SHANK2: variants seen among roughly 807,000 people sequenced by gnomAD.
SHANK2 encodes the protein SH3 and multiple ankyrin repeat domains 2, also known as SH3 and multiple ankyrin repeat domains protein 2.
SHANK2 carries 43 observed loss-of-function variants against 133.7 expected under a neutral mutation model. The ratio of observed to expected loss-of-function variants is 0.32; its 90% CI spans 0.25 to 0.41. The LOEUF is 0.41. SHANK2 is among the 10% of genes least tolerant of loss of function. SHANK2 has a pLI of 1.00. For missense variants in SHANK2, 1,994 were observed against 2,235.8 expected, an observed-to-expected ratio of 0.89 and a Z score of 2.18; for synonymous variants, 1,017 against 952.8, an observed-to-expected ratio of 1.07 and a Z score of -1.24.
chr11:70,755,361 T>C (rs1352549201), intron 14 of SHANK2, among the ~76,000 whole-genome samples: 2 of 152,240 alleles, frequency 1.3e-5, no homozygotes. Flanking sequence ...TGTGAGCCAC[T>C]GCGCCCAGCG....
rs1231027919 is a variant in SHANK2, at chr11:70,490,313, G to A, written c.2514C>T (p.Gly838=). 1 of 1,614,090 alleles carries A rather than the reference G, an allele frequency of 6.2e-7. No homozygotes were observed. Among genetic ancestry groups the A allele is most frequent in the Non-Finnish European group, 8.5e-7 (1 of 1,180,036 alleles). ...GCCTTCGCATCGTACCTCGAGGGAT[G>A]CCCAGAAACGGGGCTTTTGGGCTCC... is the stretch of plus-strand genomic sequence containing the variant. The part of the protein sequence containing the change: ...VPGSPKAPFL[G]IPRGTMRRQK... The change falls in exon 23 of 26, where the codon GGC becomes GGT. Residue 838 remains glycine, a synonymous_variant. Transcript: ENST00000601538.
chr11:71,208,323 T>A lies in SHANK2; in HGVS notation c.-13+16374A>T, dbSNP rs10792542. ...GAAGTGTCAGGGGAGATGGGGAAGT[T>A]GGGGGGAGAAGGGACACGCACCAGA... On this transcript the variant is annotated intron_variant, in intron 2 of 25. Transcript: ENST00000601538. 3.6e-3 allele frequency among the ~76,000 whole-genome samples: 543 copies of A among 151,508 alleles called. 6 individuals are homozygous for A. Among genetic ancestry groups the A allele is most frequent in the African/African-American group, 0.012 (496 of 41,322 alleles).
At chr11:70,730,695 G>C (rs1310920338) in intron 14 of SHANK2, among the ~76,000 whole-genome samples, 1 of 152,218 alleles carries the variant, frequency 6.6e-6, no homozygotes, top group African/African-American at 2.4e-5. Context: ...GGATGAGGCT[G>C]CTGCGGCAGG....
At chr11:70,588,980 C>G (rs10751253) in intron 17 of SHANK2, among the ~76,000 whole-genome samples, 117,745 of 152,090 alleles carry the variant, frequency 0.77, 45,800 homozygotes, top group East Asian at 0.92. Context: ...ACCACACCCA[C>G]ATAATTTTTT....
In SHANK2 at chr11:70,807,119, G is replaced by A. The variant is rs1237020432; in HGVS notation, c.1546C>T (p.Pro516Ser). 5.6e-6 allele frequency: 4 copies of A among 717,976 alleles called. No individual in the cohort carries two copies. In the Admixed American group the frequency reaches 8.0e-5, roughly 14 times the overall value. The allele number at this position is 717,976 out of a possible 1,614,324, so 44.5% of individuals were successfully genotyped here. ...CTGTAGAGCTTCCGCTTGGGCCCCG[G>A]GTACTCGAAGGCCGAGAGTGAGTCC... is the stretch of plus-strand genomic sequence containing the variant. ...NKDSLSAFEY[P>S]GPKRKLYSAV... is the part of the protein sequence containing the mutation. The change falls in exon 13 of 26, where the codon CCG becomes TCG. Residue 516 changes from proline (P) to serine (S), a missense_variant. Physicochemically the swap from Pro to Ser is moderately conservative, Grantham distance 74 (BLOSUM62 -1). Coordinates refer to ENST00000601538, the MANE Select transcript of SHANK2 (RefSeq NM_012309.5). This position sits in a 1 kb window ranked among gnomAD's most constrained non-coding sequence, Gnocchi z 4.8.
chr11:70,702,288 ACCATCTTCT>A (rs1378013358), intron 14 of SHANK2, among the ~76,000 whole-genome samples: 3 of 150,940 alleles, frequency 2.0e-5, no homozygotes, highest in Non-Finnish European at 2.9e-5. Context: ...CATCATCACC[ACCATCTTCT>A]TCACCATCAT....
At chr11:70,796,325 G>A (rs1453614370) in intron 14 of SHANK2, among the ~76,000 whole-genome samples, 1 of 152,200 alleles carries the variant, frequency 6.6e-6, no homozygotes, top group Non-Finnish European at 1.5e-5. Context: ...GGAGAGAGCA[G>A]GAAGCTCAAA....
chr11:71,208,624 G>A (rs1433754554), intron 2 of SHANK2, among the ~76,000 whole-genome samples: 1 of 152,050 alleles, frequency 6.6e-6, no homozygotes, highest in Admixed American at 6.5e-5. Flanking sequence ...GCATAGCAAG[G>A]GAGACCAACG....
intron 17 of SHANK2, among the ~76,000 whole-genome samples, chr11:70,558,712 G>A (rs576493215): frequency 7.9e-5 from 12 of 152,268 alleles, no homozygotes; most frequent in African/African-American, 2.6e-4. Flanking sequence ...CACTGGGTGA[G>A]TGAACCGAAA....
chr11:70,734,411 G>A (rs1318259119), intron 14 of SHANK2, among the ~76,000 whole-genome samples: 2 of 152,174 alleles, frequency 1.3e-5, no homozygotes, highest in African/African-American at 2.4e-5. Flanking sequence ...CCAGTGGGCC[G>A]CCTGACTCCC....
At chr11:70,841,514 C>T (rs1158171952) in intron 11 of SHANK2, among the ~76,000 whole-genome samples, 5 of 152,228 alleles carry the variant, frequency 3.3e-5, no homozygotes, top group Admixed American at 1.3e-4. Flanking sequence ...GTGGAGTCTG[C>T]CTTTGGCCCC....
Position 70,866,399 on chromosome 11 carries a change from C to T in SHANK2, c.1174+30102G>A, listed in dbSNP as rs35017790. The stretch of plus-strand genomic sequence containing the variant: ...GAGAAATGGTCAAAAGAGCCACACC[C>T]GGCTAATTAGGATTCTGAGAACGAG... On this transcript the variant is annotated intron_variant, in intron 11 of 25. Coordinates refer to ENST00000601538, the MANE Select transcript of SHANK2 (RefSeq NM_012309.5). Among the ~76,000 whole-genome samples, 579 of 152,162 alleles carry T rather than the reference C, an allele frequency of 3.8e-3. 5 individuals carry two copies. The highest frequency in any genetic ancestry group is 0.013 in the African/African-American group (555 of 41,504).
At chr11:70,630,130 A>C (rs757897451) in intron 17 of SHANK2, among the ~76,000 whole-genome samples, 5 of 152,358 alleles carry the variant, frequency 3.3e-5, no homozygotes, top group Middle Eastern at 3.4e-3. Flanking sequence ...CTATGCTAGA[A>C]GGTTCCCTGA....
intron 11 of SHANK2, among the ~76,000 whole-genome samples, chr11:70,838,203 T>C (rs1252607791): frequency 1.3e-5 from 2 of 152,078 alleles, no homozygotes; most frequent in Non-Finnish European, 2.9e-5. Flanking sequence ...CAGTTTTCTA[T>C]GCTCAGGACA....
At chr11:70,800,542 C>T (rs1258139437) in intron 13 of SHANK2, among the ~76,000 whole-genome samples, 1 of 152,220 alleles carries the variant, frequency 6.6e-6, no homozygotes, top group Non-Finnish European at 1.5e-5. Context: ...AAAGGCCAGA[C>T]AGAGAACCAC....
intron 17 of SHANK2, among the ~76,000 whole-genome samples, chr11:70,658,222 CACACACACACACACACACACACAG>C (rs1565220276): frequency 3.4e-5 from 4 of 117,948 alleles, no homozygotes; most frequent in African/African-American, 1.3e-4. Context: ...CACACACACA[CACACACACACACACACACACACAG>C]ACACACACAC....
At chr11:70,899,252 C>G (rs562902251) in intron 10 of SHANK2, among the ~76,000 whole-genome samples, 1 of 152,210 alleles carries the variant, frequency 6.6e-6, no homozygotes, top group East Asian at 1.9e-4. Flanking sequence ...CCGTGCTGTT[C>G]TCGTGATAGT....
intron 17 of SHANK2, among the ~76,000 whole-genome samples, chr11:70,592,831 AG>A (rs1243144156): frequency 1.3e-5 from 2 of 152,128 alleles, no homozygotes; most frequent in Admixed American, 6.5e-5. Context: ...ATGCACCTTC[AG>A]GGACCCGATG....
At chr11:70,609,180 T>C (rs782665557) in intron 17 of SHANK2, among the ~76,000 whole-genome samples, 8 of 152,144 alleles carry the variant, frequency 5.3e-5, no homozygotes, top group Non-Finnish European at 1.0e-4. Context: ...GCTCGGACAA[T>C]GCTGCTGAGG....
Sources: allele counts gnomAD v4.1 joint callset (sites outside exome capture counted in the v4.1 genomes callset), GRCh38; gene constraint gnomAD v4.1.1; non-coding constraint Gnocchi (gnomAD v3.1); transcripts MANE v1.5; gene names NCBI Gene and HGNC (gene_info 2026-07-23, HGNC 2026-07-21).